PTCHD1: variants seen among roughly 807,000 people sequenced by gnomAD.
PTCHD1 encodes the protein patched domain containing 1, also known as patched domain-containing protein 1.
A neutral mutation model predicts 34.6 loss-of-function variants in PTCHD1; 3 were observed. That is an observed-to-expected ratio of 0.09 (90% CI 0.04 to 0.22). The LOEUF is 0.22. PTCHD1 is among the 10% of genes least tolerant of loss of function. The pLI is 1.00. For missense variants in PTCHD1, 504 were observed against 685.5 expected, an observed-to-expected ratio of 0.74 and a Z score of 2.96; for synonymous variants, 305 against 283.1, an observed-to-expected ratio of 1.08 and a Z score of -0.77.
chrX:23,358,182 G>A (rs1921862499), intron 1 of PTCHD1, among the ~76,000 whole-genome samples: 1 of 111,849 alleles, frequency 8.9e-6, no homozygotes, highest in South Asian at 3.8e-4. Flanking sequence ...CCAGGAATGA[G>A]ATCGCTGGAT....
chrX:23,352,711 C>G (rs909456869), intron 1 of PTCHD1, among the ~76,000 whole-genome samples: 10 of 111,404 alleles, frequency 9.0e-5, no homozygotes, highest in Non-Finnish European at 1.3e-4. Flanking sequence ...CTCAAATATA[C>G]TGTACCCAAG....
At chrX:23,354,987 G>A (rs1414187145) in intron 1 of PTCHD1, among the ~76,000 whole-genome samples, 1 of 98,600 alleles carries the variant, frequency 1.0e-5, no homozygotes, top group African/African-American at 3.7e-5. Flanking sequence ...CAGAGAAATC[G>A]TTCATTTTGT....
intron 1 of PTCHD1, among the ~76,000 whole-genome samples, chrX:23,339,050 G>A (rs1228862213): frequency 9.0e-6 from 1 of 111,592 alleles, no homozygotes; most frequent in Non-Finnish European, 1.9e-5. Context: ...ATTGAGTGCT[G>A]CTCATTGGCA....
rs2146655121 is a variant in PTCHD1 at position 23,395,912 on chromosome X, C to T, written c.*1727C>T. 9.0e-6 allele frequency: 1 copy of T among 111,655 alleles called. No homozygotes were observed. Among genetic ancestry groups the T allele is most frequent in the East Asian group, 2.8e-4 (1 of 3,542 alleles). 9.2% of individuals were successfully genotyped at this position (111,655 alleles called of 1,213,427 possible). ...AGAATAAAGTGACTCACTCAGGTCA[C>T]ACCACTAAAGGGTTTTCATCATTTC... On this transcript the variant is annotated 3_prime_UTR_variant, in exon 3 of 3. Transcript: ENST00000379361.
chrX:23,343,138 T>C (rs1161017288), intron 1 of PTCHD1, among the ~76,000 whole-genome samples: 1 of 112,507 alleles, frequency 8.9e-6, no homozygotes, highest in Admixed American at 9.4e-5. Flanking sequence ...TGGTCAAATA[T>C]AATTTTGCCT....
At chrX:23,376,120 C>T (rs982113249) in intron 1 of PTCHD1, among the ~76,000 whole-genome samples, 5 of 112,008 alleles carry the variant, frequency 4.5e-5, no homozygotes, top group African/African-American at 1.3e-4. Context: ...AGTGCAAGCA[C>T]GCTAAATTCA....
chrX:23,382,986 C>G (rs1272227668), intron 2 of PTCHD1, among the ~76,000 whole-genome samples: 1 of 112,053 alleles, frequency 8.9e-6, no homozygotes, highest in African/African-American at 3.2e-5. Flanking sequence ...GAAATATAAG[C>G]AAGAACAGCT....
chrX:23,378,607 A>G (rs780500001), intron 1 of PTCHD1, among the ~76,000 whole-genome samples: 1 of 112,183 alleles, frequency 8.9e-6, no homozygotes, highest in East Asian at 2.8e-4. Context: ...ACTGCCTGGT[A>G]TAGCCCAGCT....
At chrX:23,372,390 G>T (rs1412836117) in intron 1 of PTCHD1, among the ~76,000 whole-genome samples, 3 of 110,889 alleles carry the variant, frequency 2.7e-5, no homozygotes, top group Non-Finnish European at 5.7e-5. Flanking sequence ...CATGTCAGGC[G>T]CCAAAGTCAA....
At chrX:23,358,817 T>C (rs1252058066) in intron 1 of PTCHD1, among the ~76,000 whole-genome samples, 1 of 111,793 alleles carries the variant, frequency 8.9e-6, no homozygotes. Flanking sequence ...CTTGAATTAA[T>C]TTTTGTATAA....
rs190612300 is a variant in PTCHD1 at position 23,401,827 on chromosome X, A to G, written c.*7642A>G. 8.4e-4 allele frequency: 95 copies of G among 112,959 alleles called. No homozygotes were observed. The highest frequency in any genetic ancestry group is 2.9e-3 in the African/African-American group (91 of 31,134). 9.3% of individuals were successfully genotyped at this position (112,959 alleles called of 1,213,427 possible). ...CTTATGCACGAGCACAGCTAAGAGC[A>G]GCCAAATAGTAAGCTTTAAAGAAAA... On this transcript the variant is annotated 3_prime_UTR_variant, in exon 3 of 3. Transcript: ENST00000379361.
chrX:23,366,954 C>A (rs936033235), intron 1 of PTCHD1, among the ~76,000 whole-genome samples: 4 of 106,580 alleles, frequency 3.8e-5, no homozygotes, highest in African/African-American at 1.4e-4. Context: ...ACACACACAC[C>A]CCTGCATCCC....
intron 2 of PTCHD1, among the ~76,000 whole-genome samples, chrX:23,385,166 T>C (rs1718725779): frequency 8.9e-6 from 1 of 111,911 alleles, no homozygotes; most frequent in African/African-American, 3.2e-5. Flanking sequence ...ATGGTCATTA[T>C]GGGACTAATT....
At position 23,399,934 on chromosome X, in the gene PTCHD1, C is replaced by G. The variant is rs1923078147; in HGVS notation, c.*5749C>G. The stretch of plus-strand genomic sequence containing the variant: ...ACAAAGCCAACATATAGAAGTGTGC[C>G]CTGTCAAAGAACCAGGAAGAGCAGC... On this transcript the variant is annotated 3_prime_UTR_variant, in exon 3 of 3. Transcript: ENST00000379361. The G allele has an allele frequency of 9.0e-6, 1 of 111,566 alleles. No individual in the cohort carries two copies. The highest frequency in any genetic ancestry group is 9.5e-5 in the Admixed American group (1 of 10,489). 9.2% of individuals were successfully genotyped at this position (111,566 alleles called of 1,213,427 possible).
At chrX:23,355,358 T>C (rs530899064) in intron 1 of PTCHD1, among the ~76,000 whole-genome samples, 319 of 112,624 alleles carry the variant, frequency 2.8e-3, no homozygotes, top group African/African-American at 9.7e-3. Context: ...CTTTATAAAA[T>C]TGTGTGCAAA....
intron 2 of PTCHD1, among the ~76,000 whole-genome samples, chrX:23,389,648 C>A (rs772732055): frequency 9.9e-5 from 11 of 111,621 alleles, no homozygotes; most frequent in African/African-American, 2.9e-4. Flanking sequence ...GCTGAGTGAT[C>A]GGTTAGAACA....
intron 1 of PTCHD1, among the ~76,000 whole-genome samples, chrX:23,361,678 T>C (rs1216429178): frequency 1.8e-5 from 2 of 112,128 alleles, no homozygotes; most frequent in African/African-American, 3.2e-5. Flanking sequence ...ATGTGTGAAT[T>C]TGATCCTGTC....
Position 23,396,240 on chromosome X carries a change from T to C in PTCHD1, c.*2055T>C, listed in dbSNP as rs1021975531. On this transcript the variant is annotated 3_prime_UTR_variant, in exon 3 of 3. Coordinates refer to ENST00000379361, the MANE Select transcript of PTCHD1 (RefSeq NM_173495.3). Reference sequence around the variant, plus strand: ...GCTAATGCATTACACAGTCGTTCAGTCTTCTCTGCAGACACACTAAGTGAT... The same window carrying C: ...GCTAATGCATTACACAGTCGTTCAGCCTTCTCTGCAGACACACTAAGTGAT... The C allele has an allele frequency of 5.3e-5, 6 of 112,205 alleles. No individual in the cohort carries two copies. Among genetic ancestry groups the C allele is most frequent in the African/African-American group, 2.0e-4 (6 of 30,735 alleles). The allele number at this position is 112,205 out of a possible 1,213,427, so 9.2% of individuals were successfully genotyped here. A position where few individuals can be genotyped will look rare whatever the true frequency, so the allele number is the denominator to read the frequency against.
In PTCHD1 at chrX:23,335,176, T is replaced by C. The variant is rs1356500792; in HGVS notation, c.301T>C (p.Phe101Leu). 8.3e-7 allele frequency: 1 copy of C among 1,210,547 alleles called. No individual in the cohort carries two copies. The highest frequency in any genetic ancestry group is 1.7e-5 in the African/African-American group (1 of 57,432). ...GRYGRVIVTS[F>L]QKANMLDQHH... ...CTACGGCCGGGTCATCGTCACCTCC[T>C]TCCAGAAAGCCAACATGCTGGACCA... The change falls in exon 1 of 3, where the codon TTC becomes CTC. Residue 101 changes from phenylalanine to leucine, a missense_variant. Transcript: ENST00000379361.
Sources: allele counts gnomAD v4.1 joint callset (sites outside exome capture counted in the v4.1 genomes callset), GRCh38; gene constraint gnomAD v4.1.1; transcripts MANE v1.5; gene names NCBI Gene and HGNC (gene_info 2026-07-23, HGNC 2026-07-21).